Variants in LTAP1 observed in about 807,000 individuals in gnomAD.
LTAP1 encodes the protein lipid transport auxiliary protein 1, also known as HCV NS5A-transactivated protein 4.
the LTAP1 span, chr1:154,220,281 A>G: frequency 6.3e-7 from 1 of 1,594,470 alleles, no homozygotes; most frequent in Non-Finnish European, 8.6e-7. Context: ...GTACAGCTCA[A>G]AAGGAGGGTC....
the LTAP1 span, chr1:154,212,498 G>T: frequency 1.9e-6 from 3 of 1,614,056 alleles, no homozygotes; most frequent in African/African-American, 2.7e-5. Flanking sequence ...ATCCAAAAGG[G>T]TATCAATGAG....
chr1:154,207,661 G>A, the LTAP1 span: 18 of 1,584,518 alleles, frequency 1.1e-5, no homozygotes, highest in Admixed American at 1.4e-4. Context: ...GAAGAACAGA[G>A]AGGGGAGGTC....
chr1:154,220,268 G>A, the LTAP1 span: 25 of 1,543,292 alleles, frequency 1.6e-5, no homozygotes, highest in Middle Eastern at 1.7e-4. Flanking sequence ...GAATGCAGAC[G>A]GGGTACAGCT....
the LTAP1 span, among the ~76,000 whole-genome samples, chr1:154,218,223 G>A: frequency 6.6e-6 from 1 of 152,204 alleles, no homozygotes; most frequent in Non-Finnish European, 1.5e-5. Context: ...TCTATGGTAG[G>A]AGAGAAACTG....
At chr1:154,210,787 C>T in the LTAP1 span, among the ~76,000 whole-genome samples, 1 of 150,952 alleles carries the variant, frequency 6.6e-6, no homozygotes, top group East Asian at 2.0e-4. Flanking sequence ...TAAGTTTTTA[C>T]TCTAGATTGG....
chr1:154,208,995 G>T, the LTAP1 span, among the ~76,000 whole-genome samples: 1 of 152,120 alleles, frequency 6.6e-6, no homozygotes, highest in African/African-American at 2.4e-5. Context: ...TGATCCACCC[G>T]CCTCAGCCTC....
chr1:154,216,011 G>C, the LTAP1 span, among the ~76,000 whole-genome samples: 1 of 151,794 alleles, frequency 6.6e-6, no homozygotes, highest in African/African-American at 2.4e-5. Flanking sequence ...CTAATTTTTT[G>C]TATTTTTAGT....
At chr1:154,207,699 A>C in the LTAP1 span, 2 of 1,431,480 alleles carry the variant, frequency 1.4e-6, no homozygotes, top group African/African-American at 1.4e-5. Flanking sequence ...TAATCAAAGA[A>C]ATCAGGGCTT....
At chr1:154,218,673 AC>A in the LTAP1 span, among the ~76,000 whole-genome samples, 1 of 152,206 alleles carries the variant, frequency 6.6e-6, no homozygotes, top group Non-Finnish European at 1.5e-5. Context: ...AGGCCCTGGC[AC>A]TAACCTGTTT....
chr1:154,217,728 G>A, the LTAP1 span, among the ~76,000 whole-genome samples: 1 of 151,724 alleles, frequency 6.6e-6, no homozygotes, highest in Non-Finnish European at 1.5e-5. Context: ...GTCTGGTCTC[G>A]AACTCCTGAC....
the LTAP1 span, chr1:154,219,852 CCCA>C: frequency 3.7e-6 from 6 of 1,609,952 alleles, no homozygotes; most frequent in Non-Finnish European, 5.1e-6. Context: ...GGCATTGTGT[CCCA>C]CAGGGACATG....
the LTAP1 span, among the ~76,000 whole-genome samples, chr1:154,209,673 G>A: frequency 2.0e-5 from 3 of 151,802 alleles, no homozygotes; most frequent in Admixed American, 1.3e-4. Flanking sequence ...TGCAAGCTCC[G>A]CCTCCTGGGT....
the LTAP1 span, chr1:154,213,792 G>A: frequency 1.1e-6 from 1 of 901,292 alleles, no homozygotes; most frequent in East Asian, 2.6e-5. Flanking sequence ...AGCCAGGGAT[G>A]TGCAGAAAGG....
At chr1:154,214,482 T>G in the LTAP1 span, 1 of 1,613,584 alleles carries the variant, frequency 6.2e-7, no homozygotes, top group South Asian at 1.1e-5. Flanking sequence ...TTTCCAGTTG[T>G]AGTAGTCTAG....
the LTAP1 span, chr1:154,207,398 G>A: frequency 1.3e-6 from 2 of 1,567,734 alleles, no homozygotes; most frequent in East Asian, 4.5e-5. Flanking sequence ...CAAGCAGCCT[G>A]TCTTGCACAT....
the LTAP1 span, among the ~76,000 whole-genome samples, chr1:154,209,582 C>G: frequency 6.6e-6 from 1 of 151,536 alleles, no homozygotes; most frequent in East Asian, 1.9e-4. Context: ...GTGGTCGCCA[C>G]CACTCCCAGC....
At chr1:154,220,159 G>A in the LTAP1 span, 1 of 809,722 alleles carries the variant, frequency 1.2e-6, no homozygotes, top group South Asian at 1.6e-5. Context: ...GAGGGTTCTA[G>A]ACTAACGAGG....
At chr1:154,216,697 G>T in the LTAP1 span, among the ~76,000 whole-genome samples, 1 of 151,122 alleles carries the variant, frequency 6.6e-6, no homozygotes, top group Admixed American at 6.6e-5. Flanking sequence ...TGTATTTTTC[G>T]TAGAGATGGG....
chr1:154,218,531 C>G, the LTAP1 span, among the ~76,000 whole-genome samples: 4 of 152,162 alleles, frequency 2.6e-5, no homozygotes, highest in Non-Finnish European at 5.9e-5. Flanking sequence ...CAGCAAAGAA[C>G]AAAGAGGGGA....
Sources: gnomAD v4.1 joint callset for allele counts (sites outside exome capture counted in the v4.1 genomes callset) on GRCh38, gnomAD v4.1.1 for gene constraint, MANE v1.5 for transcripts, NCBI Gene and HGNC (gene_info 2026-07-23, HGNC 2026-07-21) for gene names.